The following IFTAP variants were observed in gnomAD, a reference collection of about 807,000 sequenced individuals.
IFTAP encodes the protein intraflagellar transport associated protein, also known as intraflagellar transport-associated protein.
Under a neutral mutation model 19.4 loss-of-function variants are expected in IFTAP, and 19 were observed. The ratio of observed to expected loss-of-function variants is 0.98; its 90% CI spans 0.68 to 1.44. The LOEUF (loss-of-function observed/expected upper bound fraction) is 1.44. Among genes scored for constraint, IFTAP ranks in the 40% most tolerant of loss-of-function variants. IFTAP has a pLI of 0.00. For missense variants in IFTAP, 240 were observed against 253.6 expected (o/e 0.95, Z 0.36); for synonymous variants, 85 against 83.5 (o/e 1.02, Z -0.10).
intron 4 of IFTAP, among the ~76,000 whole-genome samples, chr11:36,637,391 CA>C (rs1852996666): frequency 6.6e-6 from 1 of 152,150 alleles, no homozygotes. Context: ...TCACATCCTC[CA>C]GGGAGAGGTT....
chr11:36,623,514 C>T (rs937780094), intron 2 of IFTAP, among the ~76,000 whole-genome samples: 1 of 152,142 alleles, frequency 6.6e-6, no homozygotes, highest in Admixed American at 6.6e-5. Flanking sequence ...ATCGCTAATA[C>T]AGAGGCTAGG....
chr11:36,643,528 C>G (rs1215437749), intron 4 of IFTAP, among the ~76,000 whole-genome samples: 1 of 152,162 alleles, frequency 6.6e-6, no homozygotes, highest in Non-Finnish European at 1.5e-5. Flanking sequence ...AAAAAAGAGC[C>G]TGCATTGCCA....
At chr11:36,654,827 C>T (rs1853908575) in intron 5 of IFTAP, among the ~76,000 whole-genome samples, 1 of 152,054 alleles carries the variant, frequency 6.6e-6, no homozygotes, top group African/African-American at 2.4e-5. Context: ...TCTCTGCTAC[C>T]AGTCCCCTGT....
At chr11:36,600,884 G>A (rs1479871922) in intron 1 of IFTAP, among the ~76,000 whole-genome samples, 3 of 152,086 alleles carry the variant, frequency 2.0e-5, no homozygotes, top group African/African-American at 4.8e-5. Flanking sequence ...AAAAGAAGAT[G>A]GAAGCCAACC....
At chr11:36,617,595 G>C (rs1279224014) in intron 2 of IFTAP, among the ~76,000 whole-genome samples, 1 of 151,946 alleles carries the variant, frequency 6.6e-6, no homozygotes, top group Non-Finnish European at 1.5e-5. Flanking sequence ...AAGCAGGACT[G>C]TCTGTACTGC....
At chr11:36,596,561 T>C (rs1357973224) in intron 1 of IFTAP, among the ~76,000 whole-genome samples, 1 of 152,186 alleles carries the variant, frequency 6.6e-6, no homozygotes, top group African/African-American at 2.4e-5. Context: ...TCATAGAAAC[T>C]AAAAGGAGAC....
At chr11:36,596,561 T>G (rs1357973224) in intron 1 of IFTAP, among the ~76,000 whole-genome samples, 1 of 152,186 alleles carries the variant, frequency 6.6e-6, no homozygotes, top group Non-Finnish European at 1.5e-5. Flanking sequence ...TCATAGAAAC[T>G]AAAAGGAGAC....
chr11:36,617,661 CAG>C (rs1852142430), intron 2 of IFTAP, among the ~76,000 whole-genome samples: 1 of 151,946 alleles, frequency 6.6e-6, no homozygotes, highest in South Asian at 2.1e-4. Context: ...GTAGAGTTGG[CAG>C]AGACTGTCTA....
chr11:36,613,264 T>A (rs1343434839), intron 2 of IFTAP, among the ~76,000 whole-genome samples: 2 of 152,084 alleles, frequency 1.3e-5, no homozygotes, highest in African/African-American at 4.8e-5. Context: ...TGAATGTAAC[T>A]AATTTATAGG....
chr11:36,608,712 A>G (rs955694384), intron 1 of IFTAP, among the ~76,000 whole-genome samples: 1 of 152,210 alleles, frequency 6.6e-6, no homozygotes, highest in Non-Finnish European at 1.5e-5. Context: ...GCTGTATAGC[A>G]TGAGTGGAAT....
intron 2 of IFTAP, among the ~76,000 whole-genome samples, chr11:36,633,071 A>G (rs962337755): frequency 6.6e-6 from 1 of 151,258 alleles, no homozygotes. Flanking sequence ...TAGGCACTCA[A>G]TAAATATATG....
chr11:36,647,987 G>T (rs1464567385), intron 4 of IFTAP, 29 bp from the exon 5 acceptor site: 2 of 1,602,434 alleles, frequency 1.2e-6, no homozygotes, highest in South Asian at 1.1e-5. Flanking sequence ...TTTGCGAAAG[G>T]CTCAGTTGAA....
chr11:36,654,070 T>C (rs1260182551), intron 5 of IFTAP, among the ~76,000 whole-genome samples: 1 of 152,130 alleles, frequency 6.6e-6, no homozygotes, highest in Non-Finnish European at 1.5e-5. Context: ...TACTGTCTGT[T>C]CTTATGTCTC....
intron 4 of IFTAP, among the ~76,000 whole-genome samples, chr11:36,646,681 T>C (rs1036541993): frequency 6.6e-6 from 1 of 152,176 alleles, no homozygotes; most frequent in Admixed American, 6.6e-5. Context: ...GGGCTCTGTA[T>C]GTAGATAGAC....
chr11:36,629,837 C>T (rs968716755), intron 2 of IFTAP, among the ~76,000 whole-genome samples: 1 of 151,070 alleles, frequency 6.6e-6, no homozygotes, highest in African/African-American at 2.5e-5. Flanking sequence ...AATAATGAAA[C>T]CTCGAAAAAC....
chr11:36,601,355 G>A (rs1851502802), intron 1 of IFTAP, among the ~76,000 whole-genome samples: 1 of 152,156 alleles, frequency 6.6e-6, no homozygotes, highest in Non-Finnish European at 1.5e-5. Context: ...ATAGAAGGAA[G>A]CAATTTACAG....
intron 5 of IFTAP, among the ~76,000 whole-genome samples, chr11:36,658,277 T>C (rs1438065162): frequency 6.6e-6 from 1 of 152,194 alleles, no homozygotes; most frequent in Non-Finnish European, 1.5e-5. Context: ...AGAGGCTTTT[T>C]AGGGGGCGAT....
rs1359373604 is a variant in IFTAP at position 36,648,072 on chromosome 11, T to C, written c.415T>C (p.Cys139Arg). ...EQDVSTSIPS[C>R]IPFVAQPPTC... Reference sequence around the variant, plus strand: ...GGATGTAAGCACCAGCATTCCTTCCTGTATCCCTTTTGTGGCCCAGCCTCC... The same window carrying C: ...GGATGTAAGCACCAGCATTCCTTCCCGTATCCCTTTTGTGGCCCAGCCTCC... Residue 139 changes from cysteine (C) to arginine (R), a missense_variant, in exon 5 of 6, where the codon TGT (cysteine) becomes CGT (arginine). Physicochemically the swap from Cys to Arg is radical, Grantham distance 180. Coordinates refer to ENST00000334307, the MANE Select transcript of IFTAP (RefSeq NM_138787.4). The C allele has an allele frequency of 6.2e-7, 1 of 1,613,496 alleles. No individual in the cohort carries two copies. Among genetic ancestry groups the C allele is most frequent in the South Asian group, 1.1e-5 (1 of 91,032 alleles).
At chr11:36,610,300 T>G (rs1321414531) in intron 2 of IFTAP, 61 bp downstream of exon 2, 6 of 1,434,650 alleles carry the variant, frequency 4.2e-6, no homozygotes, top group Non-Finnish European at 4.8e-6. Flanking sequence ...TATAAGTGTA[T>G]GTTTTTGCTG....
Sources: gnomAD v4.1 joint callset for allele counts (sites outside exome capture counted in the v4.1 genomes callset) on GRCh38, gnomAD v4.1.1 for gene constraint, MANE v1.5 for transcripts, NCBI Gene and HGNC (gene_info 2026-07-23, HGNC 2026-07-21) for gene names.